The following KIF1C variants were observed in gnomAD, a reference collection of about 807,000 sequenced individuals.
KIF1C encodes the protein kinesin family member 1C.
KIF1C carries 61 observed loss-of-function variants against 126.5 expected under a neutral mutation model. The ratio of observed to expected loss-of-function variants is 0.48; its 90% CI spans 0.39 to 0.60. KIF1C has a LOEUF of 0.60. Among genes scored for constraint, KIF1C ranks in the 20% least tolerant of loss-of-function variants. The probability of loss-of-function intolerance (pLI) is 0.00; values close to 1 mark genes in which losing one functional copy is unlikely to be tolerated. For missense variants in KIF1C, 1,315 were observed against 1,489.2 expected (o/e 0.88, Z 1.93); for synonymous variants, 640 against 580.6 (o/e 1.10, Z -1.47).
chr17:5,008,271 G>A (rs915836908), intron 16 of KIF1C, among the ~76,000 whole-genome samples: 5 of 152,194 alleles, frequency 3.3e-5, no homozygotes, highest in Non-Finnish European at 7.3e-5. Context: ...ATAACCATCC[G>A]GCATAGGGAC....
In KIF1C at chr17:5,022,794, T is replaced by A; in HGVS notation, c.2628+85T>A. 2.2e-6 allele frequency: 3 copies of A among 1,390,110 alleles called. No homozygotes were observed. The highest frequency in any genetic ancestry group is 2.8e-6 in the Non-Finnish European group (3 of 1,075,378). The allele number at this position is 1,390,110 out of a possible 1,614,324, so 86.1% of individuals were successfully genotyped here. A position where few individuals can be genotyped will look rare whatever the true frequency, so the allele number is the denominator to read the frequency against. The stretch of plus-strand genomic sequence containing the variant: ...AACCTTCCATCTCAGAGCCTAACCT[T>A]CCCCAAGTCTGGAAAAAATTGCATT... On this transcript the variant is annotated intron_variant, in intron 22 of 22. Coordinates refer to ENST00000320785, the MANE Select transcript of KIF1C (RefSeq NM_006612.6). The surrounding 1 kb of genome is among the most constrained non-coding windows in gnomAD (Gnocchi z 4.9).
rs777993779 is a variant in KIF1C at position 5,022,720 on chromosome 17, C to T, written c.2628+11C>T. On this transcript the variant is annotated intron_variant, in intron 22 of 22. Coordinates refer to ENST00000320785, the MANE Select transcript of KIF1C (RefSeq NM_006612.6). This position sits in a 1 kb window ranked among gnomAD's most constrained non-coding sequence, Gnocchi z 4.9. ...ATCCCCCTGGCCCAGGTAGGACTGG[C>T]CTTCTGCCTCCCTTCTCTCCTCCCT... 1.3e-6 allele frequency: 2 copies of T among 1,508,888 alleles called. No individual in the cohort carries two copies. Among genetic ancestry groups the T allele is most frequent in the South Asian group, 2.7e-5 (2 of 74,858 alleles). The allele number at this position is 1,508,888 out of a possible 1,614,324, so 93.5% of individuals were successfully genotyped here.
intron 18 of KIF1C, among the ~76,000 whole-genome samples, chr17:5,016,296 C>G (rs893750073): frequency 4.6e-5 from 7 of 151,978 alleles, no homozygotes; most frequent in African/African-American, 1.7e-4. Flanking sequence ...CGCCACCACA[C>G]CCGGCTAATT....
chr17:5,009,217 T>A (rs1332720640), intron 16 of KIF1C, among the ~76,000 whole-genome samples: 11 of 151,552 alleles, frequency 7.3e-5, no homozygotes, highest in African/African-American at 2.7e-4. Flanking sequence ...TCTTGTACTG[T>A]CACCCGGGCT....
At position 5,013,749 on chromosome 17, in the gene KIF1C, G is replaced by A. The variant is rs778932232; in HGVS notation, c.1571+17G>A. 47 of 1,603,628 alleles carry A rather than the reference G, an allele frequency of 2.9e-5. No individual in the cohort carries two copies. Among genetic ancestry groups the A allele is most frequent in the African/African-American group, 5.4e-5 (4 of 74,712 alleles). ...CGTCACCAGGTAGCGTGTACCCAGC[G>A]GCCTGGGGGGCAGCCTCTGCTTTTG... On this transcript the variant is annotated intron_variant, in intron 17 of 22. Transcript: ENST00000320785.
chr17:5,022,747 G>A lies in KIF1C; in HGVS notation c.2628+38G>A, dbSNP rs761539677. ...TTCTGCCTCCCTTCTCTCCTCCCTC[G>A]GCTCTTCACTTTAGGAGTCTGAACC... On this transcript the variant is annotated intron_variant, in intron 22 of 22. Coordinates refer to ENST00000320785, the MANE Select transcript of KIF1C (RefSeq NM_006612.6). The surrounding 1 kb of genome is among the most constrained non-coding windows in gnomAD (Gnocchi z 4.9). The A allele has an allele frequency of 3.4e-5, 51 of 1,480,414 alleles. No homozygotes were observed. Among genetic ancestry groups the A allele is most frequent in the Non-Finnish European group, 4.5e-5 (50 of 1,120,882 alleles). 91.7% of individuals were successfully genotyped at this position (1,480,414 alleles called of 1,614,324 possible). A position where few individuals can be genotyped will look rare whatever the true frequency, so the allele number is the denominator to read the frequency against.
intron 16 of KIF1C, among the ~76,000 whole-genome samples, chr17:5,012,923 A>G (rs1158961667): frequency 1.3e-5 from 2 of 152,090 alleles, no homozygotes; most frequent in Admixed American, 1.3e-4. Context: ...GCAGCGTAAC[A>G]ATCACTCAGG....
In KIF1C at chr17:5,023,557, C is replaced by T. The variant is rs151277337; in HGVS notation, c.2718C>T (p.Asp906=). The T allele has an allele frequency of 3.7e-5, 59 of 1,613,642 alleles. No homozygotes were observed. Among genetic ancestry groups the T allele is most frequent in the Non-Finnish European group, 4.9e-5 (58 of 1,179,964 alleles). ...CAGCAGAGGAGGCAGCCCCCAGTGA[C>T]CGCATGCCGTCAGCCCGGCCCCCCT... ...SEAAEEAAPS[D]RMPSARPPSP... Residue 906 remains aspartate (D), a synonymous_variant, in exon 23 of 23, where the codon GAC becomes GAT. Coordinates refer to ENST00000320785, the MANE Select transcript of KIF1C (RefSeq NM_006612.6). This position sits in a 1 kb window ranked among gnomAD's most constrained non-coding sequence, Gnocchi z 4.2.
rs1124380 is a variant in KIF1C at position 5,003,524 on chromosome 17, T to A, written c.721-88T>A. The A allele has an allele frequency of 8.6e-4, 761 of 889,560 alleles. 7 individuals are homozygous for A. The African/African-American group carries it at 0.011, about 13-fold the overall frequency. 55.1% of individuals were successfully genotyped at this position (889,560 alleles called of 1,614,324 possible). On this transcript the variant is annotated intron_variant, in intron 8 of 22. Transcript: ENST00000320785. ...CTGGCTCTCTCTAGCCCTTGCCAGC[T>A]GCCCACATTCCTGCTGGGTGCTTCC... is the stretch of plus-strand genomic sequence containing the variant.
Position 5,022,127 on chromosome 17 carries a change from G to GCGCA in KIF1C, c.2049_2050insACGC (p.Ser684ThrfsTer4). ...CGGACAGCGGGGATGACTCTGACAAGCGCTCTTGTGAAGAGAGCTGGAGGC... is the reference window on the plus strand; with the variant it reads ...CGGACAGCGGGGATGACTCTGACAAGCGCACGCTCTTGTGAAGAGAGCTGGAGGC... On this transcript the variant is annotated frameshift_variant, in exon 22 of 23. Transcript: ENST00000320785. LOFTEE classifies it high-confidence loss of function. This position sits in a 1 kb window ranked among gnomAD's most constrained non-coding sequence, Gnocchi z 4.9. 6.2e-7 allele frequency: 1 copy of GCGCA among 1,611,028 alleles called. No individual in the cohort carries two copies. Among genetic ancestry groups the GCGCA allele is most frequent in the Non-Finnish European group, 8.5e-7 (1 of 1,177,764 alleles).
At chr17:4,999,131 C>CTGA in intron 1 of KIF1C, 1 of 152,604 alleles carries the variant, frequency 6.6e-6, no homozygotes, top group African/African-American at 2.4e-5. Flanking sequence ...CTCATTGTCC[C>CTGA]GGATCCTGAG....
rs35748479 is a variant in KIF1C, at chr17:5,022,831, C to T, written c.2628+122C>T. On this transcript the variant is annotated intron_variant, in intron 22 of 22. Transcript: ENST00000320785. The surrounding 1 kb of genome is among the most constrained non-coding windows in gnomAD (Gnocchi z 4.9). ...GAAAAAATTGCATTGAAGTATAGTA[C>T]GTTTTTTTCAATATTGTTTACGAAC... 0.19 allele frequency: 249,521 copies of T among 1,306,788 alleles called. 29,009 individuals are homozygous for T. Among genetic ancestry groups the T allele is most frequent in the East Asian group, 0.51 (18,535 of 36,364 alleles). The allele number at this position is 1,306,788 out of a possible 1,614,324, so 80.9% of individuals were successfully genotyped here. A position where few individuals can be genotyped will look rare whatever the true frequency, so the allele number is the denominator to read the frequency against.
At chr17:5,008,904 A>G (rs1383359139) in intron 16 of KIF1C, among the ~76,000 whole-genome samples, 1 of 152,164 alleles carries the variant, frequency 6.6e-6, no homozygotes, top group African/African-American at 2.4e-5. Context: ...GGATGGAGGA[A>G]AAGCAGAAAG....
intron 6 of KIF1C, 76 bp from the exon 7 acceptor site, chr17:5,002,388 C>A: frequency 7.4e-7 from 1 of 1,359,240 alleles, no homozygotes; most frequent in Non-Finnish European, 1.0e-6. Context: ...TGGATCGTGT[C>A]CAGTGGAGTC....
Position 5,024,078 on chromosome 17 carries a change from C to T in KIF1C, c.3239C>T (p.Pro1080Leu), listed in dbSNP as rs763743652. ...AQRPPGPRYPPYTTPPRMRRQ... is the reference protein window; with the variant it reads ...AQRPPGPRYPLYTTPPRMRRQ... ...CGGCCCCCAGGGCCCCGCTACCCCC[C>T]ATACACTACTCCCCCACGAATGAGA... Residue 1080 changes from proline to leucine, a missense_variant, in exon 23 of 23, where the codon CCA (proline) becomes CTA (leucine). Pro to Leu is a moderately conservative substitution (Grantham distance 98, BLOSUM62 -3). Around this residue, in one of 2 missense-constraint regions of KIF1C, gnomAD observed 441 missense variants for 436.1 expected, o/e 1.01. Coordinates refer to ENST00000320785, the MANE Select transcript of KIF1C (RefSeq NM_006612.6). The T allele has an allele frequency of 2.5e-6, 4 of 1,606,628 alleles. No homozygotes were observed. The highest frequency in any genetic ancestry group is 1.3e-5 in the African/African-American group (1 of 74,880).
intron 18 of KIF1C, among the ~76,000 whole-genome samples, chr17:5,016,168 C>T (rs180878190): frequency 3.3e-5 from 5 of 150,008 alleles, no homozygotes; most frequent in South Asian, 2.1e-4. Flanking sequence ...GATGGAGTCT[C>T]GCTGTGTCGT....
chr17:5,005,689 C>T (rs546976386), intron 13 of KIF1C, among the ~76,000 whole-genome samples: 1 of 151,922 alleles, frequency 6.6e-6, no homozygotes, highest in East Asian at 1.9e-4. Context: ...CACTAGCACA[C>T]ATGACGTGGG....
rs994672695 is a variant in KIF1C at position 4,999,834 on chromosome 17, C to T, written c.-148-16C>T. 2.2e-5 allele frequency: 4 copies of T among 185,976 alleles called. No homozygotes were observed. Among genetic ancestry groups the T allele is most frequent in the South Asian group, 1.1e-4 (1 of 8,788 alleles). 11.5% of individuals were successfully genotyped at this position (185,976 alleles called of 1,614,324 possible). A position where few individuals can be genotyped will look rare whatever the true frequency, so the allele number is the denominator to read the frequency against. ...GAACCACAGGTGCCTTCTAACAACT[C>T]TTCCCCCGCAATCAGGGTATCTCCC... is the stretch of plus-strand genomic sequence containing the variant. On this transcript the variant is annotated splice_polypyrimidine_tract_variant and intron_variant, in intron 1 of 22. Transcript: ENST00000320785.
Position 5,022,007 on chromosome 17 carries a change from C to T in KIF1C, c.2011-85C>T. 2.8e-6 allele frequency: 4 copies of T among 1,445,948 alleles called. No individual in the cohort carries two copies. Among genetic ancestry groups the T allele is most frequent in the Non-Finnish European group, 3.7e-6 (4 of 1,081,118 alleles). The allele number at this position is 1,445,948 out of a possible 1,614,324, so 89.6% of individuals were successfully genotyped here. A position where few individuals can be genotyped will look rare whatever the true frequency, so the allele number is the denominator to read the frequency against. ...CCAGGCTCCCTGATGGGCGTGTTTCCAGTGTACTTAGGACACACTGGGCCA... is the reference window on the plus strand; with the variant it reads ...CCAGGCTCCCTGATGGGCGTGTTTCTAGTGTACTTAGGACACACTGGGCCA... On this transcript the variant is annotated intron_variant, in intron 21 of 22. Transcript: ENST00000320785. This position sits in a 1 kb window ranked among gnomAD's most constrained non-coding sequence, Gnocchi z 4.9.
Sources: gnomAD v4.1 joint callset for allele counts (sites outside exome capture counted in the v4.1 genomes callset) on GRCh38, gnomAD v4.1.1 for gene constraint, gnomAD v4.1.1 regional missense constraint, Gnocchi (gnomAD v3.1) non-coding constraint, MANE v1.5 for transcripts, NCBI Gene and HGNC (gene_info 2026-07-23, HGNC 2026-07-21) for gene names.